PRKN: variants seen among roughly 807,000 people sequenced by gnomAD.
PRKN encodes the protein parkin RBR E3 ubiquitin protein ligase.
PRKN carries 56 observed loss-of-function variants against 59.5 expected under a neutral mutation model. That is an observed-to-expected ratio of 0.94 (90% confidence interval 0.76 to 1.18). The LOEUF (loss-of-function observed/expected upper bound fraction) is 1.18, where lower values mean the gene tolerates loss of function less well. PRKN is among the 50% of genes most tolerant of loss of function. The probability of loss-of-function intolerance (pLI) is 0.00; values close to 1 mark genes in which losing one functional copy is unlikely to be tolerated. For synonymous variants in PRKN, 250 were observed against 222.1 expected, an observed-to-expected ratio of 1.13 and a Z score of -1.12; for missense variants, 657 against 596.4, an observed-to-expected ratio of 1.10 and a Z score of -1.06.
At chr6:162,699,794 C>G (rs1416828711) in intron 1 of PRKN, among the ~76,000 whole-genome samples, 1 of 152,054 alleles carries the variant, frequency 6.6e-6, no homozygotes, top group Admixed American at 6.6e-5. Flanking sequence ...CTGTCTCTCC[C>G]AAACCAGAGG....
chr6:162,262,357 G>A, intron 3 of PRKN, 168 bp downstream of exon 3: 1 of 799,934 alleles, frequency 1.3e-6, no homozygotes, highest in Non-Finnish European at 2.2e-6. Flanking sequence ...ATTCTCAAAT[G>A]TTACATCAAA....
At chr6:162,639,953 G>T (rs1437883320) in intron 1 of PRKN, among the ~76,000 whole-genome samples, 1 of 151,966 alleles carries the variant, frequency 6.6e-6, no homozygotes, top group African/African-American at 2.4e-5. Flanking sequence ...TTTTATTATA[G>T]TCCTCATATT....
At chr6:161,857,078 A>C (rs1178424757) in intron 6 of PRKN, among the ~76,000 whole-genome samples, 1 of 151,850 alleles carries the variant, frequency 6.6e-6, no homozygotes, top group Non-Finnish European at 1.5e-5. Flanking sequence ...AAAATACAAA[A>C]ATTAGCTGGG....
intron 7 of PRKN, among the ~76,000 whole-genome samples, chr6:161,696,084 C>T (rs1372373853): frequency 6.6e-6 from 1 of 152,128 alleles, no homozygotes; most frequent in Non-Finnish European, 1.5e-5. Flanking sequence ...AGCTATAGGA[C>T]ACAAGACCCA....
intron 2 of PRKN, among the ~76,000 whole-genome samples, chr6:162,313,910 A>C (rs1360826277): frequency 6.6e-6 from 1 of 152,198 alleles, no homozygotes; most frequent in African/African-American, 2.4e-5. Flanking sequence ...TTTAGCAAAG[A>C]AATCTTACTG....
chr6:161,961,877 T>C (rs965212567), intron 6 of PRKN, among the ~76,000 whole-genome samples: 3 of 152,174 alleles, frequency 2.0e-5, no homozygotes, highest in African/African-American at 4.8e-5. Context: ...ACTGATATAA[T>C]AGAATGCTGG....
intron 1 of PRKN, among the ~76,000 whole-genome samples, chr6:162,674,493 T>C (rs1584026599): frequency 6.6e-6 from 1 of 152,110 alleles, no homozygotes; most frequent in African/African-American, 2.4e-5. Context: ...TCCAGGCAGA[T>C]TGGACAACAT....
intron 5 of PRKN, among the ~76,000 whole-genome samples, chr6:161,984,827 C>A (rs1781376746): frequency 6.6e-6 from 1 of 152,130 alleles, no homozygotes. Flanking sequence ...CGCTTTAGAA[C>A]TATGGGACAG....
chr6:162,300,972 T>C (rs183617945), intron 2 of PRKN, among the ~76,000 whole-genome samples: 12 of 150,922 alleles, frequency 8.0e-5, no homozygotes, highest in East Asian at 3.9e-4. Context: ...TAAAGAAGAA[T>C]AGATTTTTTT....
rs901028214 is a variant in PRKN at position 161,581,553 on chromosome 6, G to A, written c.872-12137C>T. On this transcript the variant is annotated intron_variant, in intron 7 of 11. Transcript: ENST00000366898. The surrounding 1 kb of genome is among the most constrained non-coding windows in gnomAD (Gnocchi z 4.5). ...CGGAAGAGGATATGCTGAAGTCTGA[G>A]GTTTGAGTCACTGGACAATCAGAAG... Among the ~76,000 whole-genome samples the A allele has an allele frequency of 1.2e-4, 18 of 152,196 alleles. No individual in the cohort carries two copies. Among genetic ancestry groups the A allele is most frequent in the Non-Finnish European group, 1.6e-4 (11 of 68,044 alleles).
Position 161,926,309 on chromosome 6 carries a change from T to C in PRKN, c.734+46993A>G, listed in dbSNP as rs372270254. On this transcript the variant is annotated intron_variant, in intron 6 of 11. Coordinates refer to ENST00000366898, the MANE Select transcript of PRKN (RefSeq NM_004562.3). Reference sequence around the variant, plus strand: ...GACCTGGGCGAATTTCCCTATTATATATTCCTGTAGCTGAGTGATGATTCC... The same window carrying C: ...GACCTGGGCGAATTTCCCTATTATACATTCCTGTAGCTGAGTGATGATTCC... Among the ~76,000 whole-genome samples the C allele has an allele frequency of 8.5e-4, 129 of 152,348 alleles. 1 individual carries two copies. The highest frequency in any genetic ancestry group is 3.0e-3 in the African/African-American group (125 of 41,578).
intron 7 of PRKN, among the ~76,000 whole-genome samples, chr6:161,630,781 A>G (rs1024197139): frequency 6.6e-6 from 1 of 152,158 alleles, no homozygotes; most frequent in Non-Finnish European, 1.5e-5. Context: ...GCAGTGATGA[A>G]TCAAAAAAGA....
At position 161,483,512 on chromosome 6, in the gene PRKN, T is replaced by C. The variant is rs1791513665; in HGVS notation, c.1083+65342A>G. Among the ~76,000 whole-genome samples the C allele has an allele frequency of 6.6e-6, 1 of 152,190 alleles. No homozygotes were observed. The highest frequency in any genetic ancestry group is 1.5e-5 in the Non-Finnish European group (1 of 68,036). On this transcript the variant is annotated intron_variant, in intron 9 of 11. Transcript: ENST00000366898. This position sits in a 1 kb window ranked among gnomAD's most constrained non-coding sequence, Gnocchi z 5.0. ...ATAGCTCATAGAATATGGACTTGCA[T>C]TAATTCCCAGCGTATAAACTCATGG...
At chr6:162,191,654 G>A (rs1784281473) in intron 4 of PRKN, among the ~76,000 whole-genome samples, 1 of 152,136 alleles carries the variant, frequency 6.6e-6, no homozygotes, top group African/African-American at 2.4e-5. Flanking sequence ...TGTTGGTGAG[G>A]CTCGTCTCGA....
intron 7 of PRKN, among the ~76,000 whole-genome samples, chr6:161,649,314 G>T (rs1434797244): frequency 6.6e-6 from 1 of 152,178 alleles, no homozygotes; most frequent in Non-Finnish European, 1.5e-5. Flanking sequence ...GTGCACCTGT[G>T]CTGAGAACCA....
chr6:162,208,495 C>T (rs1371870211), intron 3 of PRKN, among the ~76,000 whole-genome samples: 1 of 152,100 alleles, frequency 6.6e-6, no homozygotes, highest in Non-Finnish European at 1.5e-5. Flanking sequence ...AAATCTAATA[C>T]CTTTTTCTGA....
At chr6:162,435,670 G>A (rs1789733919) in intron 2 of PRKN, among the ~76,000 whole-genome samples, 1 of 152,172 alleles carries the variant, frequency 6.6e-6, no homozygotes, top group Non-Finnish European at 1.5e-5. Flanking sequence ...GAACTCAAGA[G>A]GATATGTACA....
At chr6:162,450,735 G>A (rs1790586655) in intron 1 of PRKN, among the ~76,000 whole-genome samples, 1 of 152,168 alleles carries the variant, frequency 6.6e-6, no homozygotes, top group South Asian at 2.1e-4. Flanking sequence ...AACAAGAACA[G>A]TCTTTAGAAA....
rs747533575 is a variant in PRKN, at chr6:161,835,297, T to C, written c.735-49389A>G. On this transcript the variant is annotated intron_variant, in intron 6 of 11. Transcript: ENST00000366898. ...GCAAAAGGGAACTGACTTGAGCGTATGGTGAGAAGGAAGGGGGGCTTCCTG... is the reference window on the plus strand; with the variant it reads ...GCAAAAGGGAACTGACTTGAGCGTACGGTGAGAAGGAAGGGGGGCTTCCTG... Among the ~76,000 whole-genome samples the C allele has an allele frequency of 5.1e-4, 77 of 152,042 alleles. 1 individual carries two copies. Among genetic ancestry groups the C allele is most frequent in the Non-Finnish European group, 5.3e-4 (36 of 68,020 alleles).
Sources: gnomAD v4.1 joint callset for allele counts (sites outside exome capture counted in the v4.1 genomes callset) on GRCh38, gnomAD v4.1.1 for gene constraint, Gnocchi (gnomAD v3.1) non-coding constraint, MANE v1.5 for transcripts, NCBI Gene and HGNC (gene_info 2026-07-23, HGNC 2026-07-21) for gene names.